Variants in SAMD8 observed in about 807,000 individuals in gnomAD.
The protein encoded by SAMD8 is sphingomyelin synthase-related protein 1.
In SAMD8, 20 loss-of-function variants were observed where a neutral mutation model predicts 42.0. The ratio of observed to expected loss-of-function variants is 0.48; its 90% CI spans 0.34 to 0.69. SAMD8 has a LOEUF of 0.69. Ranked by LOEUF, SAMD8 falls within the 30% of genes least tolerant of loss-of-function variation. The probability of loss-of-function intolerance (pLI) is 0.01; values close to 1 mark genes in which losing one functional copy is unlikely to be tolerated. For synonymous variants in SAMD8, 162 were observed against 173.0 expected, an observed-to-expected ratio of 0.94 and a Z score of 0.50; for missense variants, 328 against 511.6, an observed-to-expected ratio of 0.64 and a Z score of 3.46.
Position 75,176,799 on chromosome 10 carries a change from G to C in SAMD8, c.*107G>C. On this transcript the variant is annotated 3_prime_UTR_variant, in exon 6 of 6. Transcript: ENST00000542569. This position sits in a 1 kb window ranked among gnomAD's most constrained non-coding sequence, Gnocchi z 4.3. Reference sequence around the variant, plus strand: ...TTCTTAGATGCCTGGCTTATGTGTTGACAAAGTAAAGTTTTCTGTTCTGAG... The same window carrying C: ...TTCTTAGATGCCTGGCTTATGTGTTCACAAAGTAAAGTTTTCTGTTCTGAG... 2.4e-6 allele frequency: 2 copies of C among 819,770 alleles called. No individual in the cohort carries two copies. Among genetic ancestry groups the C allele is most frequent in the Non-Finnish European group, 1.9e-6 (1 of 536,984 alleles). 50.8% of individuals were successfully genotyped at this position (819,770 alleles called of 1,614,324 possible). A position where few individuals can be genotyped will look rare whatever the true frequency, so the allele number is the denominator to read the frequency against.
chr10:75,118,547 G>A lies in SAMD8; in HGVS notation c.-16+6825G>A, dbSNP rs1360935138. Among the ~76,000 whole-genome samples, 5 of 152,202 alleles carry A rather than the reference G, an allele frequency of 3.3e-5. No individual in the cohort carries two copies. In the East Asian group the frequency reaches 9.6e-4, roughly 29 times the overall value. ...TAGTCCCAGCTACTTGGGAGGCAGA[G>A]GCAGGAGAATTGTTTGAACCTGGGA... On this transcript the variant is annotated intron_variant, in intron 1 of 5. Transcript: ENST00000542569.
intron 4 of SAMD8, among the ~76,000 whole-genome samples, chr10:75,173,090 T>A (rs1327357363): frequency 6.6e-6 from 1 of 152,230 alleles, no homozygotes. Context: ...GATACCATCC[T>A]TCTATGGTAT....
chr10:75,150,232 C>T (rs895144528), intron 1 of SAMD8: 1 of 156,904 alleles, frequency 6.4e-6, no homozygotes, highest in African/African-American at 2.4e-5. Flanking sequence ...CCACCTCAGC[C>T]TGCCAGGTAG....
At chr10:75,109,980 A>C (rs574400030), upstream of SAMD8, among the ~76,000 whole-genome samples, 2 of 152,148 alleles carry the variant, frequency 1.3e-5, no homozygotes, top group South Asian at 4.1e-4. Context: ...ACCATGCCAC[A>C]CTAATTTTTG....
At chr10:75,143,633 T>A (rs1840069824) in intron 1 of SAMD8, among the ~76,000 whole-genome samples, 1 of 152,158 alleles carries the variant, frequency 6.6e-6, no homozygotes, top group African/African-American at 2.4e-5. Flanking sequence ...AAATCTCTTA[T>A]CATTCTTACC....
intron 2 of SAMD8, among the ~76,000 whole-genome samples, chr10:75,156,661 A>G (rs1034891710): frequency 1.3e-5 from 2 of 152,078 alleles, no homozygotes; most frequent in South Asian, 2.1e-4. Context: ...ACTTTAACCT[A>G]TATCTAATCA....
intron 1 of SAMD8, among the ~76,000 whole-genome samples, chr10:75,128,671 CAA>C (rs1358660070): frequency 6.6e-6 from 1 of 151,932 alleles, no homozygotes; most frequent in Non-Finnish European, 1.5e-5. Context: ...TAAAGAAAAA[CAA>C]GGGATTATCA....
At chr10:75,120,774 C>CTTTTTTTTT (rs111866437) in intron 1 of SAMD8, among the ~76,000 whole-genome samples, 2 of 80,140 alleles carry the variant, frequency 2.5e-5, no homozygotes, top group Admixed American at 1.9e-4. Flanking sequence ...TAATTTCCAT[C>CTTTTTTTTT]TTTTTTTTTT....
chr10:75,131,621 ATAAT>A (rs1438289292), intron 1 of SAMD8, among the ~76,000 whole-genome samples: 1 of 152,144 alleles, frequency 6.6e-6, no homozygotes, highest in African/African-American at 2.4e-5. Flanking sequence ...TATATTTCTG[ATAAT>A]TAAAGAAATA....
At chr10:75,162,880 C>A (rs1037232628) in intron 2 of SAMD8, among the ~76,000 whole-genome samples, 3 of 152,050 alleles carry the variant, frequency 2.0e-5, no homozygotes, top group Non-Finnish European at 4.4e-5. Flanking sequence ...AATTTATTAG[C>A]TCCAGAGAAT....
At chr10:75,162,933 CTT>C (rs947825824) in intron 2 of SAMD8, among the ~76,000 whole-genome samples, 1 of 149,380 alleles carries the variant, frequency 6.7e-6, no homozygotes, top group Admixed American at 6.7e-5. Flanking sequence ...TTCTTTTTTT[CTT>C]TTTTTTTGAA....
At chr10:75,172,766 G>A (rs1046645842) in intron 4 of SAMD8, among the ~76,000 whole-genome samples, 3 of 152,048 alleles carry the variant, frequency 2.0e-5, no homozygotes, top group African/African-American at 7.2e-5. Context: ...AAAGTGCTGG[G>A]ATTACAGGCG....
At chr10:75,156,829 A>G (rs1020292242) in intron 2 of SAMD8, among the ~76,000 whole-genome samples, 1 of 152,154 alleles carries the variant, frequency 6.6e-6, no homozygotes, top group Non-Finnish European at 1.5e-5. Context: ...ATTAGATCCT[A>G]TATCAAGAAA....
At chr10:75,115,711 C>T (rs576699987) in intron 1 of SAMD8, among the ~76,000 whole-genome samples, 11 of 152,144 alleles carry the variant, frequency 7.2e-5, no homozygotes, top group East Asian at 1.9e-4. Flanking sequence ...GAGGCCGAGG[C>T]GGGCGGATCA....
rs1841046310 is a variant in SAMD8 at position 75,179,577 on chromosome 10, ATTGTT to A, written c.*2888_*2892del. 1 of 152,226 alleles carries A rather than the reference ATTGTT, an allele frequency of 6.6e-6. No homozygotes were observed. The highest frequency in any genetic ancestry group is 1.5e-5 in the Non-Finnish European group (1 of 68,044). The allele number at this position is 152,226 out of a possible 1,614,324, so 9.4% of individuals were successfully genotyped here. A position where few individuals can be genotyped will look rare whatever the true frequency, so the allele number is the denominator to read the frequency against. On this transcript the variant is annotated 3_prime_UTR_variant, in exon 6 of 6. Transcript: ENST00000542569. The stretch of plus-strand genomic sequence containing the variant: ...GAAAAATGTAAGTTAGGTATAACTT[ATTGTT>A]TTAACTATTATAAGGCAGTGTTTAC...
At position 75,178,595 on chromosome 10, in the gene SAMD8, G is replaced by A. The variant is rs1311309647; in HGVS notation, c.*1903G>A. ...GCTAAAATGTTAAGCCGAGTGCAGT[G>A]GTGCAAGGCTATAGTCCCAGGTTCT... On this transcript the variant is annotated 3_prime_UTR_variant, in exon 6 of 6. Coordinates refer to ENST00000542569, the MANE Select transcript of SAMD8 (RefSeq NM_001174156.2). The A allele has an allele frequency of 6.6e-6, 1 of 152,214 alleles. No homozygotes were observed. The highest frequency in any genetic ancestry group is 1.5e-5 in the Non-Finnish European group (1 of 68,052). 9.4% of individuals were successfully genotyped at this position (152,214 alleles called of 1,614,324 possible).
At chr10:75,103,979 C>T (rs576003204) in intron 1 of SAMD8, 9 of 1,342,846 alleles carry the variant, frequency 6.7e-6, no homozygotes, top group African/African-American at 4.5e-5. Flanking sequence ...GCCGACCCCA[C>T]GCTGGGCTTC....
At chr10:75,110,552 C>G (rs556226230), upstream of SAMD8, among the ~76,000 whole-genome samples, 16 of 152,294 alleles carry the variant, frequency 1.1e-4, no homozygotes, top group African/African-American at 3.6e-4. Context: ...CATTCAGAAC[C>G]ATTGAAGTCG....
chr10:75,106,399 T>C (rs922681563), intron 1 of SAMD8, among the ~76,000 whole-genome samples: 1 of 152,146 alleles, frequency 6.6e-6, no homozygotes, highest in Non-Finnish European at 1.5e-5. Context: ...TCCAAATACC[T>C]GCAAATTGTT....
Sources: allele counts gnomAD v4.1 joint callset (sites outside exome capture counted in the v4.1 genomes callset), GRCh38; gene constraint gnomAD v4.1.1; non-coding constraint Gnocchi (gnomAD v3.1); transcripts MANE v1.5; gene names NCBI Gene and HGNC (gene_info 2026-07-23, HGNC 2026-07-21).